Variants in SYNC observed in about 807,000 individuals in gnomAD.
SYNC encodes syncoilin, intermediate filament protein.
In SYNC, 38 loss-of-function variants were observed where a neutral mutation model predicts 49.5. The ratio of observed to expected loss-of-function variants is 0.77; its 90% confidence interval spans 0.59 to 1.01. SYNC has a LOEUF of 1.01. Among genes scored for constraint, SYNC ranks in the 50% least tolerant of loss-of-function variants. The pLI is 0.00. For missense variants in SYNC, 579 were observed against 580.6 expected, an observed-to-expected ratio of 1.00 and a Z score of 0.03; for synonymous variants, 201 against 230.8, an observed-to-expected ratio of 0.87 and a Z score of 1.17.
In SYNC at chr1:32,681,112, T is replaced by G. The variant is rs1649406746; in HGVS notation, c.*738A>C. On this transcript the variant is annotated 3_prime_UTR_variant, in exon 5 of 5. Coordinates refer to ENST00000409190, the MANE Select transcript of SYNC (RefSeq NM_030786.3). The stretch of plus-strand genomic sequence containing the variant: ...ATGCAATAACCAGATAAAATTCCTG[T>G]TTTTTCCCAATCGCTTAGTTTTTTG... The G allele has an allele frequency of 6.5e-6, 1 of 152,734 alleles. No homozygotes were observed. Among genetic ancestry groups the G allele is most frequent in the South Asian group, 2.1e-4 (1 of 4,842 alleles). The allele number at this position is 152,734 out of a possible 1,614,324, so 9.5% of individuals were successfully genotyped here.
In SYNC at chr1:32,684,358, G is replaced by A. The variant is rs779002381; in HGVS notation, c.1258C>T (p.Arg420Cys). The change falls in exon 3 of 5, where the codon CGC (arginine) becomes TGC (cysteine). Residue 420 changes from arginine to cysteine, a missense_variant. Coordinates refer to ENST00000409190, the MANE Select transcript of SYNC (RefSeq NM_030786.3). ...YREQLEEMEERQRQLRNGVQL... is the reference protein window; with the variant it reads ...YREQLEEMEECQRQLRNGVQL... ...ACCCCATTTCTTAACTGCCTCTGGC[G>A]TTCTTCCATTTCCTCCAGCTGTTCC... The A allele has an allele frequency of 6.8e-6, 11 of 1,613,924 alleles. No individual in the cohort carries two copies. Among genetic ancestry groups the A allele is most frequent in the South Asian group, 3.3e-5 (3 of 91,076 alleles).
At chr1:32,683,257 T>TC (rs1414368679) in intron 4 of SYNC, 4 of 79,618 alleles carry the variant, frequency 5.0e-5, no homozygotes, top group Non-Finnish European at 9.6e-5. Context: ...AGAGCAAGAC[T>TC]CCGTCTCAAA....
intron 2 of SYNC, among the ~76,000 whole-genome samples, chr1:32,687,861 A>ATTATTATTATTATTATTT (rs1280120903): frequency 1.0e-4 from 15 of 146,440 alleles, no homozygotes; most frequent in East Asian, 3.9e-4. Context: ...TATTATTATT[A>ATTATTATTATTATTATTT]TTTTTTGAGA....
upstream of SYNC, chr1:32,702,786 G>T: frequency 2.4e-6 from 2 of 840,664 alleles, no homozygotes; most frequent in Non-Finnish European, 2.9e-6. The surrounding 1 kb of genome is among the most constrained non-coding windows in gnomAD (Gnocchi z 6.2). Flanking sequence ...GCCCCGGGCC[G>T]GGCGCGCCCA....
chr1:32,696,797 T>C (rs1481539054), intron 1 of SYNC, among the ~76,000 whole-genome samples: 1 of 150,954 alleles, frequency 6.6e-6, no homozygotes, highest in Admixed American at 6.6e-5. Context: ...TTATAACTTT[T>C]TTTTTTCTTT....
intron 1 of SYNC, among the ~76,000 whole-genome samples, chr1:32,696,799 T>C (rs573996300): frequency 6.6e-6 from 1 of 151,564 alleles, no homozygotes; most frequent in South Asian, 2.1e-4. Context: ...ATAACTTTTT[T>C]TTTTCTTTGA....
At chr1:32,696,711 G>T (rs749607400) in intron 1 of SYNC, among the ~76,000 whole-genome samples, 24 of 152,034 alleles carry the variant, frequency 1.6e-4, no homozygotes, top group Non-Finnish European at 8.8e-5. Flanking sequence ...GCCTCCCAAA[G>T]TGCTGGGATT....
At chr1:32,683,285 A>C (rs1330558365) in intron 4 of SYNC, 1 of 149,110 alleles carries the variant, frequency 6.7e-6, no homozygotes, top group Non-Finnish European at 1.5e-5. Context: ...AAAAAAAAAA[A>C]GAGTAAGTCT....
At position 32,684,378 on chromosome 1, in the gene SYNC, T is replaced by C. The variant is rs140582636; in HGVS notation, c.1238A>G (p.Gln413Arg). ...CTGGCGTTCTTCCATTTCCTCCAGC[T>C]GTTCCTGCATGAGATGGCCAAGAAC... ...RDEEVQQYREQLEEMEERQRQ... is the reference protein window; with the variant it reads ...RDEEVQQYRERLEEMEERQRQ... Residue 413 changes from glutamine to arginine, a missense_variant, in exon 3 of 5, where the codon CAG becomes CGG. Physicochemically the swap from Gln to Arg is conservative, Grantham distance 43. Coordinates refer to ENST00000409190, the MANE Select transcript of SYNC (RefSeq NM_030786.3). 8 of 1,614,234 alleles carry C rather than the reference T, an allele frequency of 5.0e-6. No homozygotes were observed. The Admixed American group carries it at 1.2e-4, about 24-fold the overall frequency.
At chr1:32,694,502 AAAAT>A (rs1045875785) in intron 2 of SYNC, among the ~76,000 whole-genome samples, 5 of 151,992 alleles carry the variant, frequency 3.3e-5, no homozygotes, top group African/African-American at 1.2e-4. Context: ...AAAATACAAA[AAAAT>A]AGCCGGGCAT....
intron 2 of SYNC, among the ~76,000 whole-genome samples, chr1:32,689,300 G>A (rs1650047878): frequency 7.7e-6 from 1 of 129,252 alleles, no homozygotes; most frequent in Non-Finnish European, 1.6e-5. Flanking sequence ...GGATTGCAGT[G>A]GCACAATCTC....
rs1649473318 is a variant in SYNC, at chr1:32,682,033, T to TG, written c.1439-174dup. On this transcript the variant is annotated intron_variant, in intron 4 of 4. Transcript: ENST00000409190. ...CAAATAGAATGAATGGTGATGGTGA[T>TG]GGGAGGGATAGTTAAACGTTTTCTC... 4.1e-5 allele frequency: 25 copies of TG among 605,922 alleles called. No homozygotes were observed. In the South Asian group the frequency reaches 4.9e-4, roughly 12 times the overall value. 37.5% of individuals were successfully genotyped at this position (605,922 alleles called of 1,614,324 possible).
In SYNC at chr1:32,687,833, A is replaced by T. The variant is rs935141539; in HGVS notation, c.1234-3451T>A. Among the ~76,000 whole-genome samples the T allele has an allele frequency of 2.6e-4, 10 of 38,216 alleles. 1 individual carries two copies. Among genetic ancestry groups the T allele is most frequent in the South Asian group, 1.3e-3 (1 of 748 alleles). The allele number at this position is 38,216 out of a possible 152,430, so 25.1% of individuals were successfully genotyped here. A position where few individuals can be genotyped will look rare whatever the true frequency, so the allele number is the denominator to read the frequency against. ...AGACCTCTCCCTTACCTGCCCAGTGAATTATTATTATTATTATTATTATTA... is the reference window on the plus strand; with the variant it reads ...AGACCTCTCCCTTACCTGCCCAGTGTATTATTATTATTATTATTATTATTA... On this transcript the variant is annotated intron_variant, in intron 2 of 4. Coordinates refer to ENST00000409190, the MANE Select transcript of SYNC (RefSeq NM_030786.3).
In SYNC at chr1:32,684,000, C is replaced by A. The variant is rs1395055669; in HGVS notation, c.1438+10G>T. On this transcript the variant is annotated intron_variant, in intron 4 of 4. Transcript: ENST00000409190. The stretch of plus-strand genomic sequence containing the variant: ...AATGCAAACACCACTCTTCTCTTCA[C>A]AAAGATCACCTTGAGACTGTGTCTC... The A allele has an allele frequency of 1.2e-6, 2 of 1,613,138 alleles. No individual in the cohort carries two copies. The highest frequency in any genetic ancestry group is 1.1e-5 in the South Asian group (1 of 90,988).
At chr1:32,689,862 A>C (rs1302542097) in intron 2 of SYNC, among the ~76,000 whole-genome samples, 1 of 148,068 alleles carries the variant, frequency 6.8e-6, no homozygotes, top group African/African-American at 2.5e-5. Flanking sequence ...AATCGCTTGA[A>C]CCCGGGAGGC....
At chr1:32,701,160 A>C (rs146638572) in intron 1 of SYNC, among the ~76,000 whole-genome samples, 1,764 of 152,018 alleles carry the variant, frequency 0.012, 26 homozygotes, top group Non-Finnish European at 0.016. Context: ...GGTGATCCGC[A>C]CACCTCGGCG....
intron 2 of SYNC, chr1:32,686,060 T>C (rs2148547282): frequency 6.6e-6 from 1 of 152,298 alleles, no homozygotes; most frequent in Admixed American, 6.5e-5. Flanking sequence ...TCATTTGAAA[T>C]ATGACTAGTC....
intron 2 of SYNC, among the ~76,000 whole-genome samples, chr1:32,687,670 CA>C (rs58420507): frequency 1.4e-4 from 20 of 141,820 alleles, no homozygotes; most frequent in African/African-American, 3.6e-4. Context: ...GGCTCCGTCT[CA>C]AAAAAAAAAA....
rs148661520 is a variant in SYNC at position 32,687,833 on chromosome 1, AATT to A, written c.1234-3454_1234-3452del. On this transcript the variant is annotated intron_variant, in intron 2 of 4. Coordinates refer to ENST00000409190, the MANE Select transcript of SYNC (RefSeq NM_030786.3). ...AGACCTCTCCCTTACCTGCCCAGTG[AATT>A]ATTATTATTATTATTATTATTATTA... 2.4e-4 allele frequency among the ~76,000 whole-genome samples: 9 copies of A among 38,236 alleles called. No homozygotes were observed. In the South Asian group the frequency reaches 9.4e-3, roughly 40 times the overall value. 25.1% of individuals were successfully genotyped at this position (38,236 alleles called of 152,430 possible). A position where few individuals can be genotyped will look rare whatever the true frequency, so the allele number is the denominator to read the frequency against.
Sources: gnomAD v4.1 joint callset for allele counts (sites outside exome capture counted in the v4.1 genomes callset) on GRCh38, gnomAD v4.1.1 for gene constraint, Gnocchi (gnomAD v3.1) non-coding constraint, MANE v1.5 for transcripts, NCBI Gene and HGNC (gene_info 2026-07-23, HGNC 2026-07-21) for gene names.